BACE1: variants seen among roughly 807,000 people sequenced by gnomAD.
The protein encoded by BACE1 is APP beta-secretase.
Under a neutral mutation model 54.0 loss-of-function variants are expected in BACE1, and 21 were observed. That is an observed-to-expected ratio of 0.39 (90% CI 0.28 to 0.56). The LOEUF is 0.56. Ranked by LOEUF, BACE1 falls within the 20% of genes least tolerant of loss-of-function variation. BACE1 has a pLI of 0.63. For missense variants in BACE1, 511 were observed against 661.2 expected, an observed-to-expected ratio of 0.77 and a Z score of 2.49; for synonymous variants, 232 against 260.9, an observed-to-expected ratio of 0.89 and a Z score of 1.07.
intron 1 of BACE1, among the ~76,000 whole-genome samples, chr11:117,308,972 A>C (rs912906339): frequency 2.0e-5 from 3 of 152,180 alleles, no homozygotes; most frequent in South Asian, 4.2e-4. Flanking sequence ...AACAAACAAA[A>C]AAACTATATT....
At position 117,293,756 on chromosome 11, in the gene BACE1, C is replaced by T; in HGVS notation, c.705+115G>A. On this transcript the variant is annotated intron_variant, in intron 4 of 8. Transcript: ENST00000313005. The surrounding 1 kb of genome is among the most constrained non-coding windows in gnomAD (Gnocchi z 4.1). ...TAAGGGTAGGGAATATAAAGAGGTT[C>T]CTCCTGATTCTAAGTATCGGAGCCA... 3.6e-6 allele frequency: 4 copies of T among 1,104,474 alleles called. No homozygotes were observed. The highest frequency in any genetic ancestry group is 2.0e-5 in the South Asian group (1 of 50,770). The allele number at this position is 1,104,474 out of a possible 1,614,324, so 68.4% of individuals were successfully genotyped here. A position where few individuals can be genotyped will look rare whatever the true frequency, so the allele number is the denominator to read the frequency against.
rs2034738095 is a variant in BACE1, at chr11:117,302,099, T to G, written c.262-5138A>C. Among the ~76,000 whole-genome samples, 3 of 151,588 alleles carry G rather than the reference T, an allele frequency of 2.0e-5. No individual in the cohort carries two copies. In the South Asian group the frequency reaches 6.3e-4, roughly 32 times the overall value. Reference sequence around the variant, plus strand: ...CTGTAATCCCAGCACTTTGGGAGGCTGAGGTGGTTGGATCACCTGAGGTCA... The same window carrying G: ...CTGTAATCCCAGCACTTTGGGAGGCGGAGGTGGTTGGATCACCTGAGGTCA... On this transcript the variant is annotated intron_variant, in intron 1 of 8. Coordinates refer to ENST00000313005, the MANE Select transcript of BACE1 (RefSeq NM_012104.6).
At position 117,295,314 on chromosome 11, in the gene BACE1, C is replaced by T. The variant is rs1256812457; in HGVS notation, c.384G>A (p.Val128=). The T allele has an allele frequency of 1.9e-6, 3 of 1,613,978 alleles. No individual in the cohort carries two copies. The highest frequency in any genetic ancestry group is 1.7e-5 in the Admixed American group (1 of 60,004). Residue 128 remains valine, a synonymous_variant, in exon 3 of 9, where the codon GTG becomes GTA. Coordinates refer to ENST00000313005, the MANE Select transcript of BACE1 (RefSeq NM_012104.6). The part of the protein sequence containing the change: ...SSTYRDLRKG[V]YVPYTQGKWE... Reference sequence around the variant, plus strand: ...ACTTGCCCTGGGTGTAGGGCACATACACACCCTTCCGGAGGTCCCGGTATG... The same window carrying T: ...ACTTGCCCTGGGTGTAGGGCACATATACACCCTTCCGGAGGTCCCGGTATG...
At chr11:117,305,478 C>T (rs959409903) in intron 1 of BACE1, among the ~76,000 whole-genome samples, 1 of 152,074 alleles carries the variant, frequency 6.6e-6, no homozygotes, top group Non-Finnish European at 1.5e-5. Flanking sequence ...CTGGCTGTAG[C>T]TGGCCATTGG....
intron 2 of BACE1, chr11:117,295,787 G>T (rs2034584810): frequency 1.3e-6 from 1 of 768,144 alleles, no homozygotes; most frequent in Non-Finnish European, 1.6e-6. Context: ...TGCCAGGCAG[G>T]GTGAATGTGG....
At chr11:117,291,561 C>T (rs997348058) in intron 6 of BACE1, 151 bp downstream of exon 6, 3 of 558,902 alleles carry the variant, frequency 5.4e-6, no homozygotes, top group East Asian at 3.4e-5. Flanking sequence ...CAGGCGTGAG[C>T]CACCACGCCT....
chr11:117,312,987 C>T (rs931652222), intron 1 of BACE1, among the ~76,000 whole-genome samples: 2 of 152,214 alleles, frequency 1.3e-5, no homozygotes, highest in Non-Finnish European at 2.9e-5. Context: ...GTCTTCTTGT[C>T]TCTTTGTGGA....
At chr11:117,306,115 G>T (rs566994287) in intron 1 of BACE1, among the ~76,000 whole-genome samples, 3 of 152,310 alleles carry the variant, frequency 2.0e-5, no homozygotes, top group African/African-American at 2.4e-5. Flanking sequence ...CAGGATCCTA[G>T]TGTACAAGAG....
intron 2 of BACE1, chr11:117,295,679 C>T: frequency 6.6e-7 from 1 of 1,509,794 alleles, no homozygotes; most frequent in Non-Finnish European, 8.8e-7. Flanking sequence ...GTGGGCATCT[C>T]TTCCGCCCTC....
intron 1 of BACE1, among the ~76,000 whole-genome samples, chr11:117,307,464 A>G (rs2034855681): frequency 6.6e-6 from 1 of 152,252 alleles, no homozygotes; most frequent in South Asian, 2.1e-4. Context: ...GGCACGTGCC[A>G]CCATGCCCAG....
intron 1 of BACE1, among the ~76,000 whole-genome samples, chr11:117,307,494 T>C (rs1402121832): frequency 6.6e-6 from 1 of 152,168 alleles, no homozygotes; most frequent in African/African-American, 2.4e-5. Context: ...GTATTTTTGG[T>C]AGAGACAGGG....
At chr11:117,298,310 AG>A (rs1310104861) in intron 1 of BACE1, among the ~76,000 whole-genome samples, 1 of 150,346 alleles carries the variant, frequency 6.7e-6, no homozygotes, top group African/African-American at 2.5e-5. Flanking sequence ...AAAAAAAAAA[AG>A]AAAAGAAAAG....
At chr11:117,309,291 C>T (rs550482776) in intron 1 of BACE1, among the ~76,000 whole-genome samples, 2 of 152,314 alleles carry the variant, frequency 1.3e-5, no homozygotes, top group African/African-American at 4.8e-5. Context: ...TCCCTCTTCT[C>T]GTATACCTAC....
chr11:117,294,943 C>A (rs1380776130), intron 3 of BACE1, among the ~76,000 whole-genome samples, 188 bp downstream of exon 3: 2 of 152,126 alleles, frequency 1.3e-5, no homozygotes, highest in Non-Finnish European at 2.9e-5. Flanking sequence ...GTACCTATCA[C>A]AGCTTCTGTC....
Position 117,287,090 on chromosome 11 carries a change from TAAAG to T in BACE1, c.*2472_*2475del, listed in dbSNP as rs2034283855. 2 of 151,424 alleles carry T rather than the reference TAAAG, an allele frequency of 1.3e-5. No individual in the cohort carries two copies. The highest frequency in any genetic ancestry group is 4.9e-5 in the African/African-American group (2 of 41,110). The allele number at this position is 151,424 out of a possible 1,614,324, so 9.4% of individuals were successfully genotyped here. ...CCAAAATCCTTTGAAGCCAAAGGAG[TAAAG>T]AAAGAAAAAAGGAAGGGGTGAGGAG... On this transcript the variant is annotated 3_prime_UTR_variant, in exon 9 of 9. Coordinates refer to ENST00000313005, the MANE Select transcript of BACE1 (RefSeq NM_012104.6).
At chr11:117,296,662 A>C (rs2034607845) in intron 2 of BACE1, among the ~76,000 whole-genome samples, 1 of 151,552 alleles carries the variant, frequency 6.6e-6, no homozygotes, top group Non-Finnish European at 1.5e-5. Flanking sequence ...CTTCCTGGCT[A>C]CCTCTCAATT....
At chr11:117,290,766 G>A in intron 7 of BACE1, 107 bp from the exon 8 acceptor site, 1 of 1,551,538 alleles carries the variant, frequency 6.4e-7, no homozygotes, top group Middle Eastern at 2.4e-4. Flanking sequence ...AGCTCTAACG[G>A]GTTTTCTGAG....
At chr11:117,302,599 C>T (rs1441033933) in intron 1 of BACE1, among the ~76,000 whole-genome samples, 1 of 152,160 alleles carries the variant, frequency 6.6e-6, no homozygotes, top group Non-Finnish European at 1.5e-5. Flanking sequence ...TAAATGCTTC[C>T]AGGCCAGGCG....
chr11:117,306,851 G>T (rs1219277596), intron 1 of BACE1, among the ~76,000 whole-genome samples: 1 of 151,832 alleles, frequency 6.6e-6, no homozygotes, highest in Non-Finnish European at 1.5e-5. Flanking sequence ...GAGATTCACT[G>T]ACCTTGAAAG....
Sources: allele counts gnomAD v4.1 joint callset (sites outside exome capture counted in the v4.1 genomes callset), GRCh38; gene constraint gnomAD v4.1.1; non-coding constraint Gnocchi (gnomAD v3.1); transcripts MANE v1.5; gene names NCBI Gene and HGNC (gene_info 2026-07-23, HGNC 2026-07-21).